Variants in SVIL observed in about 807,000 individuals in gnomAD.
SVIL encodes supervillin, also known as archvillin.
In SVIL, 101 loss-of-function variants were observed where a neutral mutation model predicts 240.4. The ratio of observed to expected loss-of-function variants is 0.42; its 90% CI spans 0.36 to 0.50. SVIL has a LOEUF of 0.50. Ranked by LOEUF, SVIL falls within the 20% of genes least tolerant of loss-of-function variation. SVIL has a pLI of 0.01. For missense variants in SVIL, 2,512 were observed against 2,818.7 expected (o/e 0.89, Z 2.46); for synonymous variants, 999 against 1,100.0 (o/e 0.91, Z 1.82).
At chr10:29,509,362 A>G (rs1949650310) in intron 17 of SVIL, among the ~76,000 whole-genome samples, 1 of 130,748 alleles carries the variant, frequency 7.6e-6, no homozygotes, top group Non-Finnish European at 1.7e-5. Context: ...AGAGAGAGAG[A>G]GAGAGAGAGA....
chr10:29,654,579 G>C (rs936924011), intron 3 of SVIL, among the ~76,000 whole-genome samples: 4 of 152,150 alleles, frequency 2.6e-5, no homozygotes, highest in Non-Finnish European at 5.9e-5. Flanking sequence ...ATTAGTCAGG[G>C]TTCTCCAGAG....
chr10:29,471,047 A>G (rs1945518382), intron 31 of SVIL, 91 bp downstream of exon 31: 2 of 1,207,894 alleles, frequency 1.7e-6, no homozygotes, highest in Non-Finnish European at 1.2e-6. Context: ...CAGCTAGATG[A>G]AGACAGACTC....
chr10:29,690,467 A>G (rs1186774422), intron 1 of SVIL, among the ~76,000 whole-genome samples: 1 of 152,174 alleles, frequency 6.6e-6, no homozygotes, highest in East Asian at 1.9e-4. Flanking sequence ...TTTTAGAAGT[A>G]TAAGTCAGTA....
intron 3 of SVIL, among the ~76,000 whole-genome samples, chr10:29,642,737 G>A (rs2132984826): frequency 6.6e-6 from 1 of 152,186 alleles, no homozygotes; most frequent in Non-Finnish European, 1.5e-5. Flanking sequence ...AGGCTGGAGT[G>A]CAATGACATG....
At chr10:29,666,659 A>G (rs1959322340) in intron 2 of SVIL, among the ~76,000 whole-genome samples, 1 of 152,202 alleles carries the variant, frequency 6.6e-6, no homozygotes, top group African/African-American at 2.4e-5. Context: ...AGTACAACAC[A>G]CTGTGTTATG....
At chr10:29,515,003 T>A (rs376525933) in intron 16 of SVIL, among the ~76,000 whole-genome samples, 2 of 152,208 alleles carry the variant, frequency 1.3e-5, no homozygotes, top group Non-Finnish European at 2.9e-5. Flanking sequence ...AAGTAAGCCG[T>A]GAAGAAAGGA....
intron 7 of SVIL, among the ~76,000 whole-genome samples, chr10:29,534,737 G>T (rs1003017432): frequency 1.3e-4 from 20 of 152,182 alleles, no homozygotes; most frequent in African/African-American, 4.8e-4. Flanking sequence ...CCCTTAGTAA[G>T]CCTCAGTTGC....
At position 29,599,009 on chromosome 10, in the gene SVIL, CA is replaced by C. The variant is rs149092335; in HGVS notation, c.-200-29698del. Among the ~76,000 whole-genome samples the C allele has an allele frequency of 3.9e-4, 60 of 152,294 alleles. 1 individual carries two copies. In the East Asian group the frequency reaches 9.7e-3, roughly 25 times the overall value. On this transcript the variant is annotated intron_variant, in intron 1 of 37. Coordinates refer to ENST00000355867, the MANE Select transcript of SVIL (RefSeq NM_021738.3). ...GCTGCCTTGGGCATCTTTCAGAGCA[CA>C]AAATAGCCTCTCTCCACTCCCTCCA...
At chr10:29,496,143 A>G in intron 18 of SVIL, among the ~76,000 whole-genome samples, 1 of 150,906 alleles carries the variant, frequency 6.6e-6, no homozygotes, top group Non-Finnish European at 1.5e-5. Context: ...CCTCCTGTGA[A>G]TGGGAGAAGT....
At chr10:29,638,281 G>A (rs1031644131), upstream of SVIL, among the ~76,000 whole-genome samples, 1 of 152,070 alleles carries the variant, frequency 6.6e-6, no homozygotes, top group African/African-American at 2.4e-5. Flanking sequence ...AGCCAACGTG[G>A]TGAAACCCTG....
At chr10:29,474,965 A>C (rs10763719) in intron 29 of SVIL, among the ~76,000 whole-genome samples, 56,946 of 152,084 alleles carry the variant, frequency 0.37, 10,994 homozygotes, top group East Asian at 0.54. Flanking sequence ...CCATGGCTGG[A>C]ACTGCACAGG....
At chr10:29,637,704 C>T (rs972971673), upstream of SVIL, among the ~76,000 whole-genome samples, 2 of 152,198 alleles carry the variant, frequency 1.3e-5, no homozygotes, top group Non-Finnish European at 2.9e-5. Context: ...TTAGACACCC[C>T]TAGGCAAAAG....
At chr10:29,651,385 G>A (rs958691283) in intron 3 of SVIL, among the ~76,000 whole-genome samples, 4 of 152,128 alleles carry the variant, frequency 2.6e-5, no homozygotes, top group Non-Finnish European at 5.9e-5. Context: ...ATTCGGATCT[G>A]GAGTTTCCAA....
rs755795007 is a variant in SVIL, at chr10:29,491,739, G to T, written c.4020-720C>A. Among the ~76,000 whole-genome samples, 112 of 152,234 alleles carry T rather than the reference G, an allele frequency of 7.4e-4. 1 individual carries two copies. Among genetic ancestry groups the T allele is most frequent in the Middle Eastern group, 3.4e-3 (1 of 294 alleles). ...CACCTCCAGCTGCGCGGGCCTCTGT[G>T]CCCAAAAGGCGTCTTTACGTACCAT... On this transcript the variant is annotated intron_variant, in intron 21 of 37. Transcript: ENST00000355867.
intron 1 of SVIL, among the ~76,000 whole-genome samples, chr10:29,589,266 G>A (rs981286146): frequency 2.0e-5 from 3 of 152,116 alleles, no homozygotes; most frequent in Middle Eastern, 3.2e-3. Flanking sequence ...TCGCCCGCAC[G>A]GCCTCGACAC....
At chr10:29,485,110 A>G (rs1180901042) in intron 26 of SVIL, among the ~76,000 whole-genome samples, 1 of 151,916 alleles carries the variant, frequency 6.6e-6, no homozygotes, top group Admixed American at 6.6e-5. Context: ...CTTGCGATTC[A>G]CAAGAGTTCT....
At chr10:29,656,692 G>GATTACATTTC (rs1449120043) in intron 3 of SVIL, among the ~76,000 whole-genome samples, 1 of 152,124 alleles carries the variant, frequency 6.6e-6, no homozygotes, top group East Asian at 1.9e-4. Context: ...TCCCACACAT[G>GATTACATTTC]ATTACATTTC....
At chr10:29,720,020 A>C (rs1963878395) in intron 1 of SVIL, among the ~76,000 whole-genome samples, 1 of 152,222 alleles carries the variant, frequency 6.6e-6, no homozygotes, top group Non-Finnish European at 1.5e-5. Context: ...AGCACATTGC[A>C]AATTGCTTAA....
chr10:29,667,809 T>C (rs866426420), intron 2 of SVIL, among the ~76,000 whole-genome samples: 2 of 151,720 alleles, frequency 1.3e-5, no homozygotes, highest in Admixed American at 1.3e-4. Context: ...GAACCATGCC[T>C]GTGCCACTGT....
Sources: allele counts gnomAD v4.1 joint callset (sites outside exome capture counted in the v4.1 genomes callset), GRCh38; gene constraint gnomAD v4.1.1; transcripts MANE v1.5; gene names NCBI Gene and HGNC (gene_info 2026-07-23, HGNC 2026-07-21).